SRC: variants seen among roughly 807,000 people sequenced by gnomAD.
SRC encodes the protein proto-oncogene tyrosine-protein kinase Src.
Under a neutral mutation model 62.9 loss-of-function variants are expected in SRC, and 13 were observed. That is an observed-to-expected ratio of 0.21 (90% CI 0.13 to 0.33). The LOEUF (loss-of-function observed/expected upper bound fraction) is 0.33, where lower values mean the gene tolerates loss of function less well. Among genes scored for constraint, SRC ranks in the 10% least tolerant of loss-of-function variants. The probability of loss-of-function intolerance (pLI) is 1.00; values close to 1 mark genes in which losing one functional copy is unlikely to be tolerated. For synonymous variants in SRC, 302 were observed against 317.5 expected, an observed-to-expected ratio of 0.95 and a Z score of 0.52; for missense variants, 457 against 737.3, an observed-to-expected ratio of 0.62 and a Z score of 4.40.
intron 2 of SRC, among the ~76,000 whole-genome samples, chr20:37,381,251 G>A (rs181414254): frequency 6.6e-6 from 1 of 152,310 alleles, no homozygotes; most frequent in Non-Finnish European, 1.5e-5. Flanking sequence ...GAGTGCCCCA[G>A]TGTGGAGTGG....
At chr20:37,387,650 G>T (rs1028243306) in intron 5 of SRC, among the ~76,000 whole-genome samples, 6 of 152,230 alleles carry the variant, frequency 3.9e-5, no homozygotes, top group African/African-American at 7.2e-5. Context: ...CCAGCTGTTT[G>T]TGTCTGCTTC....
intron 1 of SRC, among the ~76,000 whole-genome samples, chr20:37,355,144 C>T (rs938619730): frequency 8.6e-5 from 13 of 152,046 alleles, no homozygotes; most frequent in African/African-American, 2.7e-4. Context: ...AGGATCTCAG[C>T]GCCAACTGTG....
chr20:37,346,908 G>A (rs1313655005), intron 1 of SRC, among the ~76,000 whole-genome samples: 4 of 152,226 alleles, frequency 2.6e-5, no homozygotes, highest in African/African-American at 9.6e-5. Context: ...GTTGGCCACC[G>A]GGCCAGGTCC....
chr20:37,384,166 A>T lies in SRC; in HGVS notation c.13A>T (p.Lys5Ter). The T allele has an allele frequency of 6.2e-7, 1 of 1,600,766 alleles. No homozygotes were observed. Among genetic ancestry groups the T allele is most frequent in the Non-Finnish European group, 8.5e-7 (1 of 1,176,760 alleles). ...TCCTGCCAGGACCATGGGTAGCAAC[A>T]AGAGCAAGCCCAAGGATGCCAGCCA... is the stretch of plus-strand genomic sequence containing the variant. MGSN[K>*]SKPKDASQRR... is the part of the protein sequence containing the mutation. The change falls in exon 4 of 14, where the codon AAG (lysine) becomes TAG (stop). Residue 5 changes from lysine to a stop codon, truncating the protein, a stop_gained. Transcript: ENST00000373578. LOFTEE classifies it high-confidence loss of function. The surrounding 1 kb of genome is among the most constrained non-coding windows in gnomAD (Gnocchi z 6.7).
At position 37,396,478 on chromosome 20, in the gene SRC, G is replaced by A; in HGVS notation, c.703+167G>A. On this transcript the variant is annotated intron_variant, in intron 8 of 13. Coordinates refer to ENST00000373578, the MANE Select transcript of SRC (RefSeq NM_198291.3). The surrounding 1 kb of genome is among the most constrained non-coding windows in gnomAD (Gnocchi z 6.1). ...CTCCTCCCTTTTCCCTCCTTTCCTT[G>A]TCTCCTTCTTCTTCCTCTTCTTTCC... 1.3e-6 allele frequency: 1 copy of A among 799,084 alleles called. No individual in the cohort carries two copies. The highest frequency in any genetic ancestry group is 1.9e-6 in the Non-Finnish European group (1 of 522,230). The allele number at this position is 799,084 out of a possible 1,614,324, so 49.5% of individuals were successfully genotyped here.
intron 1 of SRC, among the ~76,000 whole-genome samples, chr20:37,349,779 C>G (rs80328581): frequency 0.03 from 4,640 of 152,308 alleles, 108 homozygotes; most frequent in African/African-American, 0.047. Context: ...TGCAGGGTGA[C>G]TTTGAGTCCT....
In SRC at chr20:37,396,337, G is replaced by C; in HGVS notation, c.703+26G>C. 2.5e-6 allele frequency: 4 copies of C among 1,610,762 alleles called. No individual in the cohort carries two copies. The highest frequency in any genetic ancestry group is 3.4e-6 in the Non-Finnish European group (4 of 1,179,618). On this transcript the variant is annotated intron_variant, in intron 8 of 13. Coordinates refer to ENST00000373578, the MANE Select transcript of SRC (RefSeq NM_198291.3). The surrounding 1 kb of genome is among the most constrained non-coding windows in gnomAD (Gnocchi z 6.1). Reference sequence around the variant, plus strand: ...GTGAGCCAGCCTCGGAGGGCGGAGGGCGGGCGGGCAAAGCCTCAGCTGCAG... The same window carrying C: ...GTGAGCCAGCCTCGGAGGGCGGAGGCCGGGCGGGCAAAGCCTCAGCTGCAG...
In SRC at chr20:37,402,706, T is replaced by C; in HGVS notation, c.1271-43T>C. ...TGGTGCTTATCTAGCAGAGCGGTCA[T>C]GACAGGAGGTCAGAGCTGCCCTGAC... On this transcript the variant is annotated intron_variant, in intron 12 of 13. Transcript: ENST00000373578. The surrounding 1 kb of genome is among the most constrained non-coding windows in gnomAD (Gnocchi z 6.2). The C allele has an allele frequency of 6.3e-7, 1 of 1,587,844 alleles. No homozygotes were observed. The highest frequency in any genetic ancestry group is 8.6e-7 in the Non-Finnish European group (1 of 1,165,766).
At chr20:37,366,187 G>A (rs2070059685) in intron 2 of SRC, among the ~76,000 whole-genome samples, 1 of 152,160 alleles carries the variant, frequency 6.6e-6, no homozygotes, top group South Asian at 2.1e-4. Context: ...CAGGGCCGGT[G>A]GGTGTGTAAT....
intron 2 of SRC, among the ~76,000 whole-genome samples, chr20:37,378,159 CTCTT>C (rs976758294): frequency 7.8e-5 from 11 of 140,844 alleles, no homozygotes; most frequent in Admixed American, 2.1e-4. Flanking sequence ...TTTCTTTCTT[CTCTT>C]TTTTTTTTTT....
At position 37,397,962 on chromosome 20, in the gene SRC, G is replaced by C. The variant is rs2070683060; in HGVS notation, c.859+108G>C. On this transcript the variant is annotated intron_variant, in intron 9 of 13. Coordinates refer to ENST00000373578, the MANE Select transcript of SRC (RefSeq NM_198291.3). The surrounding 1 kb of genome is among the most constrained non-coding windows in gnomAD (Gnocchi z 4.1). ...TTTAGCTGCCTCTGCTGGATGACGG[G>C]GCCCTGTTGTAAATCTGGAGCTCCC... The C allele has an allele frequency of 7.3e-7, 1 of 1,364,220 alleles. No homozygotes were observed. 84.5% of individuals were successfully genotyped at this position (1,364,220 alleles called of 1,614,324 possible).
chr20:37,386,415 C>T, intron 5 of SRC: 1 of 717,908 alleles, frequency 1.4e-6, no homozygotes, highest in Non-Finnish European at 2.6e-6. Context: ...CTCCAGCCCT[C>T]TCTCAGCTTC....
chr20:37,370,816 T>A (rs1437193524), intron 2 of SRC, among the ~76,000 whole-genome samples: 1 of 152,192 alleles, frequency 6.6e-6, no homozygotes, highest in Non-Finnish European at 1.5e-5. Context: ...GGGAAGTGTT[T>A]CCTAGAGAAG....
Position 37,403,035 on chromosome 20 carries a change from G to A in SRC, c.1403-136G>A, listed in dbSNP as rs1601024791. 2 of 1,314,748 alleles carry A rather than the reference G, an allele frequency of 1.5e-6. No homozygotes were observed. The highest frequency in any genetic ancestry group is 5.0e-5 in the East Asian group (2 of 39,668). 81.4% of individuals were successfully genotyped at this position (1,314,748 alleles called of 1,614,324 possible). Reference sequence around the variant, plus strand: ...GCTCTCTCGATGGTCCATGCTCTCAGCTTCGGGGACAGGACTTATCTATGG... The same window carrying A: ...GCTCTCTCGATGGTCCATGCTCTCAACTTCGGGGACAGGACTTATCTATGG... On this transcript the variant is annotated intron_variant, in intron 13 of 13. Transcript: ENST00000373578. This position sits in a 1 kb window ranked among gnomAD's most constrained non-coding sequence, Gnocchi z 7.1.
chr20:37,354,993 C>T (rs896917890), intron 1 of SRC, among the ~76,000 whole-genome samples: 3 of 152,186 alleles, frequency 2.0e-5, no homozygotes, highest in Admixed American at 1.3e-4. Flanking sequence ...GCAGGAGGGG[C>T]GAGCAGCATC....
intron 2 of SRC, among the ~76,000 whole-genome samples, chr20:37,367,095 A>C: frequency 8.0e-6 from 1 of 125,390 alleles, no homozygotes; most frequent in East Asian, 2.2e-4. Context: ...TGTGGTTTTG[A>C]TTTTTTTTTT....
chr20:37,396,788 C>A lies in SRC; in HGVS notation c.703+477C>A. The A allele has an allele frequency of 5.4e-6, 1 of 184,756 alleles. No individual in the cohort carries two copies. Among genetic ancestry groups the A allele is most frequent in the Non-Finnish European group, 1.1e-5 (1 of 87,774 alleles). 11.4% of individuals were successfully genotyped at this position (184,756 alleles called of 1,614,324 possible). On this transcript the variant is annotated intron_variant, in intron 8 of 13. Coordinates refer to ENST00000373578, the MANE Select transcript of SRC (RefSeq NM_198291.3). This position sits in a 1 kb window ranked among gnomAD's most constrained non-coding sequence, Gnocchi z 6.1. ...CTTGCGTGCTGGGTGAGGGCTCGGG[C>A]GTGGGCGCAGTGCTGTAGCCCACCC...
At chr20:37,370,401 C>T (rs1417308432) in intron 2 of SRC, among the ~76,000 whole-genome samples, 1 of 152,144 alleles carries the variant, frequency 6.6e-6, no homozygotes, top group Non-Finnish European at 1.5e-5. Flanking sequence ...ATGGCGAAAC[C>T]TTGTTTCTAC....
chr20:37,369,910 C>T (rs1292284491), intron 2 of SRC, among the ~76,000 whole-genome samples: 1 of 152,102 alleles, frequency 6.6e-6, no homozygotes, highest in East Asian at 1.9e-4. Context: ...AGCGATTCTC[C>T]TGCCTCGGCC....
Sources: allele counts gnomAD v4.1 joint callset (sites outside exome capture counted in the v4.1 genomes callset), GRCh38; gene constraint gnomAD v4.1.1; non-coding constraint Gnocchi (gnomAD v3.1); transcripts MANE v1.5; gene names NCBI Gene and HGNC (gene_info 2026-07-23, HGNC 2026-07-21).